Variants in LAMA4 observed in about 807,000 individuals in gnomAD.
LAMA4 encodes the protein laminin subunit alpha-4.
A neutral mutation model predicts 207.1 loss-of-function variants in LAMA4; 127 were observed. That is an observed-to-expected ratio of 0.61 (90% CI 0.53 to 0.71). LAMA4 has a LOEUF of 0.71. Among genes scored for constraint, LAMA4 ranks in the 30% least tolerant of loss-of-function variants. The pLI, the probability that LAMA4 is intolerant of heterozygous loss-of-function variation, is 0.00. For synonymous variants in LAMA4, 761 were observed against 816.0 expected, an observed-to-expected ratio of 0.93 and a Z score of 1.15; for missense variants, 2,093 against 2,246.5, an observed-to-expected ratio of 0.93 and a Z score of 1.38.
At chr6:112,184,509 G>A (rs1782568377) in intron 9 of LAMA4, among the ~76,000 whole-genome samples, 1 of 152,068 alleles carries the variant, frequency 6.6e-6, no homozygotes, top group Admixed American at 6.6e-5. Flanking sequence ...ATTCCTGACA[G>A]CTTTTACAAG....
rs78289586 is a variant in LAMA4 at position 112,237,912 on chromosome 6, A to G, written c.195+16044T>C. 7.0e-3 allele frequency among the ~76,000 whole-genome samples: 1,060 copies of G among 152,246 alleles called. 10 individuals carry two copies. The highest frequency in any genetic ancestry group is 0.033 in the South Asian group (159 of 4,818). On this transcript the variant is annotated intron_variant, in intron 2 of 38. Coordinates refer to ENST00000230538, the MANE Select transcript of LAMA4 (RefSeq NM_001105206.3). ...ACCTATTGCCCAATCTAGCCAGGAG[A>G]CTGTTTCCCGATTAATGTTGACAAA...
chr6:112,199,023 CTTCTT>C (rs1410677335), intron 5 of LAMA4, among the ~76,000 whole-genome samples: 1 of 152,164 alleles, frequency 6.6e-6, no homozygotes, highest in African/African-American at 2.4e-5. Context: ...GCTCAAATCT[CTTCTT>C]TTCAACACTC....
intron 19 of LAMA4, 123 bp from the exon 20 acceptor site, chr6:112,142,415 T>C (rs1779754616): frequency 1.2e-6 from 1 of 850,988 alleles, no homozygotes; most frequent in Admixed American, 1.8e-5. Flanking sequence ...TGTAGTTATT[T>C]ACCACATCCT....
chr6:112,176,701 C>T (rs1554343861), intron 10 of LAMA4, among the ~76,000 whole-genome samples: 1 of 152,066 alleles, frequency 6.6e-6, no homozygotes, highest in Non-Finnish European at 1.5e-5. Flanking sequence ...TGGTGCAAGT[C>T]TTATATTTAT....
Position 112,109,488 on chromosome 6 carries a change from T to C in LAMA4, c.5421A>G (p.Lys1807=). 6.2e-7 allele frequency: 1 copy of C among 1,614,086 alleles called. No individual in the cohort carries two copies. Among genetic ancestry groups the C allele is most frequent in the Non-Finnish European group, 8.5e-7 (1 of 1,179,994 alleles). The part of the protein sequence containing the change: ...VIDGHPVSFS[K]AALVSGAVSI... Reference sequence around the variant, plus strand: ...TTACGGCGCCGCTGACCAGGGCTGCTTTACTGAAGCTCACTGGGTGTCCAT... The same window carrying C: ...TTACGGCGCCGCTGACCAGGGCTGCCTTACTGAAGCTCACTGGGTGTCCAT... The change falls in exon 39 of 39, where the codon AAA becomes AAG. Residue 1807 remains lysine, a synonymous_variant. Transcript: ENST00000230538.
chr6:112,197,515 T>C (rs1554350868), intron 5 of LAMA4, among the ~76,000 whole-genome samples: 1 of 152,236 alleles, frequency 6.6e-6, no homozygotes, highest in Non-Finnish European at 1.5e-5. Flanking sequence ...TCTTTAAATA[T>C]TTCAAACATG....
intron 12 of LAMA4, among the ~76,000 whole-genome samples, chr6:112,166,797 A>G (rs1425154449): frequency 1.3e-5 from 2 of 152,208 alleles, no homozygotes; most frequent in Non-Finnish European, 2.9e-5. Context: ...AATGTTGAAA[A>G]CTGATAATTA....
intron 2 of LAMA4, among the ~76,000 whole-genome samples, chr6:112,227,585 T>C (rs1466150249): frequency 5.3e-5 from 8 of 152,224 alleles, no homozygotes; most frequent in Non-Finnish European, 1.0e-4. Flanking sequence ...TGACAATAGA[T>C]TGAGACGCTT....
At position 112,155,553 on chromosome 6, in the gene LAMA4, G is replaced by A. The variant is rs2114780350; in HGVS notation, c.1959+12C>T. 3.1e-6 allele frequency: 5 copies of A among 1,614,000 alleles called. No homozygotes were observed. Among genetic ancestry groups the A allele is most frequent in the South Asian group, 1.1e-5 (1 of 91,074 alleles). On this transcript the variant is annotated intron_variant, in intron 15 of 38. Coordinates refer to ENST00000230538, the MANE Select transcript of LAMA4 (RefSeq NM_001105206.3). ...AAAGGCAAGGTATAAAGAACTTTCAGGGAATACTCACATCATAAATTCGGT... is the reference window on the plus strand; with the variant it reads ...AAAGGCAAGGTATAAAGAACTTTCAAGGAATACTCACATCATAAATTCGGT...
chr6:112,123,065 T>C (rs142907518), intron 31 of LAMA4, among the ~76,000 whole-genome samples: 35 of 152,308 alleles, frequency 2.3e-4, no homozygotes, highest in Admixed American at 2.0e-3. Flanking sequence ...AACAGGTTGG[T>C]GCCAGATAGG....
chr6:112,117,356 C>G lies in LAMA4; in HGVS notation c.4981+383G>C, dbSNP rs587750709. 7.9e-5 allele frequency among the ~76,000 whole-genome samples: 12 copies of G among 152,238 alleles called. No individual in the cohort carries two copies. Among genetic ancestry groups the G allele is most frequent in the African/African-American group, 2.4e-4 (10 of 41,548 alleles). ...AACGTTGTCTGCTGGTGTTGCAAGT[C>G]ATGGGGAGAAAGTGGGACTTCCTTT... On this transcript the variant is annotated intron_variant, in intron 35 of 38. Coordinates refer to ENST00000230538, the MANE Select transcript of LAMA4 (RefSeq NM_001105206.3). The surrounding 1 kb of genome is among the most constrained non-coding windows in gnomAD (Gnocchi z 4.5).
chr6:112,136,101 A>G, intron 25 of LAMA4, 22 bp downstream of exon 25: 1 of 1,608,164 alleles, frequency 6.2e-7, no homozygotes, highest in Non-Finnish European at 8.5e-7. Flanking sequence ...AACAAAACCA[A>G]CCAAACTACA....
intron 31 of LAMA4, among the ~76,000 whole-genome samples, chr6:112,125,112 A>G (rs945268430): frequency 1.3e-4 from 20 of 152,224 alleles, no homozygotes; most frequent in African/African-American, 4.6e-4. Flanking sequence ...GCTAGAATCA[A>G]TTGGAAAGCT....
Position 112,120,470 on chromosome 6 carries a change from G to C in LAMA4, c.4478C>G (p.Ser1493Cys). 1 of 1,611,256 alleles carries C rather than the reference G, an allele frequency of 6.2e-7. No individual in the cohort carries two copies. The highest frequency in any genetic ancestry group is 2.2e-5 in the East Asian group (1 of 44,822). Reference sequence around the variant, plus strand: ...AGTTCTCAGACGAATGGAAAACTGAGATCTGGTAAATGAAAAGAAAGGGAT... The same window carrying C: ...AGTTCTCAGACGAATGGAAAACTGACATCTGGTAAATGAAAAGAAAGGGAT... ...EHLKGDFGAKSQFSIRLRTRS... is the reference protein window; with the variant it reads ...EHLKGDFGAKCQFSIRLRTRS... The change falls in exon 33 of 39, where the codon TCT becomes TGT. Residue 1493 changes from serine (S) to cysteine (C), a missense_variant and splice_region_variant. Ser to Cys is a moderately radical substitution (Grantham distance 112, BLOSUM62 -1). Coordinates refer to ENST00000230538, the MANE Select transcript of LAMA4 (RefSeq NM_001105206.3).
At chr6:112,212,513 C>T (rs541566801) in intron 3 of LAMA4, among the ~76,000 whole-genome samples, 13 of 152,218 alleles carry the variant, frequency 8.5e-5, no homozygotes, top group African/African-American at 2.4e-4. Flanking sequence ...CTTGAGCCAC[C>T]GTGCCCGGCC....
chr6:112,201,351 C>A (rs1249929130), intron 5 of LAMA4, among the ~76,000 whole-genome samples: 1 of 152,256 alleles, frequency 6.6e-6, no homozygotes, highest in Non-Finnish European at 1.5e-5. Flanking sequence ...TACACATCCT[C>A]AATTTCCTTT....
intron 3 of LAMA4, among the ~76,000 whole-genome samples, chr6:112,214,782 C>G (rs1263593190): frequency 6.6e-6 from 1 of 152,196 alleles, no homozygotes; most frequent in African/African-American, 2.4e-5. Context: ...TGTTATGTCA[C>G]AGGACCTTGG....
chr6:112,173,373 T>C (rs1781838165), intron 11 of LAMA4, among the ~76,000 whole-genome samples: 1 of 152,166 alleles, frequency 6.6e-6, no homozygotes. Flanking sequence ...GTGTTGAATA[T>C]GTTGAATATG....
intron 22 of LAMA4, 114 bp downstream of exon 22, chr6:112,140,646 T>G (rs1177402510): frequency 1.1e-6 from 1 of 924,366 alleles, no homozygotes; most frequent in African/African-American, 1.6e-5. Context: ...TACTCCCCCA[T>G]GAACTAAGCT....
Sources: allele counts gnomAD v4.1 joint callset (sites outside exome capture counted in the v4.1 genomes callset), GRCh38; gene constraint gnomAD v4.1.1; non-coding constraint Gnocchi (gnomAD v3.1); transcripts MANE v1.5; gene names NCBI Gene and HGNC (gene_info 2026-07-23, HGNC 2026-07-21).